KLF12: variants seen among roughly 807,000 people sequenced by gnomAD.
KLF12 encodes Krueppel-like factor 12.
KLF12 carries 9 observed loss-of-function variants against 37.8 expected under a neutral mutation model. That is an observed-to-expected ratio of 0.24 (90% CI 0.14 to 0.42). The LOEUF is 0.42. KLF12 is among the 10% of genes least tolerant of loss of function. The pLI is 1.00. For synonymous variants in KLF12, 208 were observed against 202.1 expected, an observed-to-expected ratio of 1.03 and a Z score of -0.25; for missense variants, 411 against 516.0, an observed-to-expected ratio of 0.80 and a Z score of 1.97.
chr13:74,220,671 C>T, the KLF12 span, among the ~76,000 whole-genome samples: 1 of 152,166 alleles, frequency 6.6e-6, no homozygotes, highest in Non-Finnish European at 1.5e-5. Flanking sequence ...TCAACATCTC[C>T]CTGGTCTACC....
intron 5 of KLF12, among the ~76,000 whole-genome samples, chr13:73,767,756 C>A (rs765700010): frequency 2.0e-5 from 3 of 152,120 alleles, no homozygotes; most frequent in African/African-American, 4.8e-5. Flanking sequence ...TTTTAGATGA[C>A]TTAATACAAA....
chr13:73,813,951 C>T (rs181087841), intron 4 of KLF12, among the ~76,000 whole-genome samples: 20 of 152,282 alleles, frequency 1.3e-4, no homozygotes, highest in African/African-American at 4.6e-4. Flanking sequence ...CTTCTCCAAT[C>T]GTGAATTTGC....
chr13:73,945,708 T>C (rs1048839823), intron 2 of KLF12, among the ~76,000 whole-genome samples: 1 of 152,082 alleles, frequency 6.6e-6, no homozygotes, highest in African/African-American at 2.4e-5. Flanking sequence ...CACCACCTAG[T>C]CTATAAGGTG....
chr13:74,065,969 ATG>A (rs1873892322), intron 1 of KLF12, among the ~76,000 whole-genome samples: 1 of 152,120 alleles, frequency 6.6e-6, no homozygotes, highest in Non-Finnish European at 1.5e-5. Context: ...AGTAATTCAC[ATG>A]TACATAGAAG....
chr13:74,043,744 C>A (rs1893470280), intron 1 of KLF12, among the ~76,000 whole-genome samples: 1 of 152,134 alleles, frequency 6.6e-6, no homozygotes, highest in African/African-American at 2.4e-5. Context: ...TTTATGTGTT[C>A]AATCAAGACT....
the KLF12 span, among the ~76,000 whole-genome samples, chr13:74,141,732 C>A: frequency 4.6e-5 from 7 of 152,118 alleles, no homozygotes; most frequent in Non-Finnish European, 8.8e-5. Flanking sequence ...AGAAAGCTTT[C>A]CAGAAGCATC....
intron 2 of KLF12, among the ~76,000 whole-genome samples, chr13:73,947,692 C>G (rs1167818338): frequency 1.3e-5 from 2 of 149,494 alleles, no homozygotes; most frequent in African/African-American, 4.9e-5. Context: ...AGTAGTCGAG[C>G]TGACATTCGC....
intron 6 of KLF12, among the ~76,000 whole-genome samples, chr13:73,735,437 G>A (rs1877380866): frequency 6.6e-6 from 1 of 152,138 alleles, no homozygotes; most frequent in South Asian, 2.1e-4. Context: ...GGATTTCGAG[G>A]AAGATGTCGC....
chr13:73,835,109 T>G (rs1485858522), intron 4 of KLF12, among the ~76,000 whole-genome samples: 1 of 149,540 alleles, frequency 6.7e-6, no homozygotes, highest in Non-Finnish European at 1.5e-5. Context: ...TCCTAAAAAA[T>G]TTTCATACTC....
At chr13:74,219,092 G>A in the KLF12 span, among the ~76,000 whole-genome samples, 1 of 152,104 alleles carries the variant, frequency 6.6e-6, no homozygotes, top group Non-Finnish European at 1.5e-5. Flanking sequence ...AAGTAGCTGG[G>A]ACTACAGGTG....
the KLF12 span, among the ~76,000 whole-genome samples, chr13:74,266,361 A>C: frequency 6.6e-6 from 1 of 152,144 alleles, no homozygotes; most frequent in East Asian, 1.9e-4. Context: ...TTATGATCTG[A>C]ATTTCCCATT....
At chr13:74,005,699 T>A (rs1892393668) in intron 1 of KLF12, among the ~76,000 whole-genome samples, 3 of 152,212 alleles carry the variant, frequency 2.0e-5, no homozygotes, top group Admixed American at 2.0e-4. Context: ...CCATACAGCA[T>A]CTAAATGAAT....
At chr13:74,242,343 G>A in the KLF12 span, among the ~76,000 whole-genome samples, 1 of 152,220 alleles carries the variant, frequency 6.6e-6, no homozygotes, top group Non-Finnish European at 1.5e-5. Flanking sequence ...GGCTGGGGAG[G>A]CCTCACAATC....
intron 7 of KLF12, among the ~76,000 whole-genome samples, chr13:73,710,328 G>A (rs1225147220): frequency 6.6e-6 from 1 of 151,476 alleles, no homozygotes; most frequent in Admixed American, 6.6e-5. Context: ...GCATATACAG[G>A]CATATCTTAT....
At chr13:74,149,819 C>A in the KLF12 span, among the ~76,000 whole-genome samples, 1 of 152,132 alleles carries the variant, frequency 6.6e-6, no homozygotes, top group South Asian at 2.1e-4. Context: ...TTATTTTTCA[C>A]CCCCTCTGGC....
intron 1 of KLF12, among the ~76,000 whole-genome samples, chr13:74,078,395 A>G (rs919795667): frequency 2.0e-5 from 3 of 152,256 alleles, no homozygotes; most frequent in African/African-American, 7.2e-5. Flanking sequence ...AAATGTTTTC[A>G]TCTAGAAACA....
chr13:74,165,691 G>T, the KLF12 span, among the ~76,000 whole-genome samples: 3 of 152,138 alleles, frequency 2.0e-5, no homozygotes, highest in Non-Finnish European at 4.4e-5. Context: ...AGACAGGAGG[G>T]GATAAACTAC....
intron 3 of KLF12, among the ~76,000 whole-genome samples, chr13:73,932,486 A>G (rs961261593): frequency 1.3e-5 from 2 of 152,148 alleles, no homozygotes; most frequent in Admixed American, 6.6e-5. Context: ...AAAGAAAACA[A>G]AACAAAAAAA....
At chr13:73,981,965 G>T (rs74095939) in intron 2 of KLF12, among the ~76,000 whole-genome samples, 3,831 of 152,210 alleles carry the variant, frequency 0.025, 100 homozygotes, top group East Asian at 0.095. Flanking sequence ...AAAAATACTG[G>T]AAACAATCTA....
Sources: allele counts gnomAD v4.1 joint callset (sites outside exome capture counted in the v4.1 genomes callset), GRCh38; gene constraint gnomAD v4.1.1; transcripts MANE v1.5; gene names NCBI Gene and HGNC (gene_info 2026-07-23, HGNC 2026-07-21).